The following ACOT13 variants were observed in gnomAD, a reference collection of about 807,000 sequenced individuals.
ACOT13 encodes the protein acyl-coenzyme A thioesterase 13.
A neutral mutation model predicts 11.8 loss-of-function variants in ACOT13; 10 were observed. The ratio of observed to expected loss-of-function variants is 0.85; its 90% CI spans 0.53 to 1.44. The LOEUF is 1.44. ACOT13 is among the 40% of genes most tolerant of loss of function. The pLI is 0.00. For synonymous variants in ACOT13, 53 were observed against 61.0 expected (o/e 0.87, Z 0.61); for missense variants, 172 against 174.1 (o/e 0.99, Z 0.07).
intron 1 of ACOT13, among the ~76,000 whole-genome samples, chr6:24,686,275 A>G (rs975107693): frequency 3.9e-5 from 6 of 152,334 alleles, no homozygotes; most frequent in Admixed American, 2.6e-4. Flanking sequence ...ACACTGATGT[A>G]TCCTTTTTTA....
At chr6:24,677,003 C>T (rs532859881) in intron 1 of ACOT13, among the ~76,000 whole-genome samples, 6 of 152,256 alleles carry the variant, frequency 3.9e-5, no homozygotes, top group African/African-American at 1.4e-4. Flanking sequence ...TTCTAGTGCC[C>T]GAGTGAGGGC....
At chr6:24,670,069 T>C (rs1778334564) in intron 1 of ACOT13, among the ~76,000 whole-genome samples, 1 of 152,224 alleles carries the variant, frequency 6.6e-6, no homozygotes, top group Non-Finnish European at 1.5e-5. Flanking sequence ...TAGGCAAGAC[T>C]AGTATCTAAC....
rs76918295 is a variant in ACOT13 at position 24,692,667 on chromosome 6, C to T, written c.82-5216C>T. On this transcript the variant is annotated intron_variant, in intron 1 of 2. Transcript: ENST00000230048. ...CTCCTGGGCTCAAGCAATCCTCCCA[C>T]CTCAGTCTCCCAAAATTAAAATGTT... Among the ~76,000 whole-genome samples the T allele has an allele frequency of 3.1e-3, 471 of 152,312 alleles. 2 individuals carry two copies. The highest frequency in any genetic ancestry group is 0.01 in the African/African-American group (429 of 41,562).
At chr6:24,700,922 TTTTA>T (rs899624630) in intron 2 of ACOT13, 1 of 152,152 alleles carries the variant, frequency 6.6e-6, no homozygotes, top group African/African-American at 2.4e-5. Flanking sequence ...CCAATTTTTT[TTTTA>T]ATTAGCTGGA....
intron 1 of ACOT13, among the ~76,000 whole-genome samples, chr6:24,676,569 T>C (rs900433945): frequency 6.6e-6 from 1 of 152,198 alleles, no homozygotes; most frequent in African/African-American, 2.4e-5. Flanking sequence ...TGCACATTGA[T>C]TTTGTATCCT....
chr6:24,704,379 TAA>T lies in ACOT13; in HGVS notation c.*2765_*2766del, dbSNP rs1478574089. On this transcript the variant is annotated 3_prime_UTR_variant, in exon 3 of 3. Transcript: ENST00000230048. ...GCCAAAATGCCTAACTTGGTGAACA[TAA>T]GTGTAATTCAATATGGTAAATTAAT... 6.6e-6 allele frequency: 1 copy of T among 152,200 alleles called. No homozygotes were observed. The highest frequency in any genetic ancestry group is 6.5e-5 in the Admixed American group (1 of 15,280). 9.4% of individuals were successfully genotyped at this position (152,200 alleles called of 1,614,324 possible).
chr6:24,668,197 C>A (rs897060730), intron 1 of ACOT13, among the ~76,000 whole-genome samples: 20 of 151,750 alleles, frequency 1.3e-4, no homozygotes, highest in African/African-American at 4.4e-4. Flanking sequence ...TGTGAGCCGC[C>A]ACGCCAGACC....
chr6:24,699,761 C>T (rs138522341), intron 2 of ACOT13, among the ~76,000 whole-genome samples: 2 of 152,192 alleles, frequency 1.3e-5, no homozygotes, highest in African/African-American at 4.8e-5. Flanking sequence ...CTAAAAGTCT[C>T]TATTAAGAGC....
chr6:24,696,194 G>C (rs959192100), intron 1 of ACOT13, among the ~76,000 whole-genome samples: 2 of 152,178 alleles, frequency 1.3e-5, no homozygotes, highest in African/African-American at 4.8e-5. Flanking sequence ...TATATCGCGT[G>C]GTTCTGTTTT....
intron 1 of ACOT13, among the ~76,000 whole-genome samples, chr6:24,684,514 A>G (rs1324757210): frequency 6.6e-6 from 1 of 152,190 alleles, no homozygotes; most frequent in Non-Finnish European, 1.5e-5. Flanking sequence ...CAGTGATGGT[A>G]ACTTGCCTTC....
At chr6:24,691,991 C>G (rs138005666) in intron 1 of ACOT13, among the ~76,000 whole-genome samples, 2 of 152,264 alleles carry the variant, frequency 1.3e-5, no homozygotes, top group Non-Finnish European at 2.9e-5. Flanking sequence ...ACTATTGAGA[C>G]TAAACATGGG....
intron 1 of ACOT13, among the ~76,000 whole-genome samples, chr6:24,669,783 T>C (rs1778328518): frequency 6.6e-6 from 1 of 152,136 alleles, no homozygotes; most frequent in Non-Finnish European, 1.5e-5. Flanking sequence ...CTGGAAAATA[T>C]ACATAGGCCA....
At chr6:24,669,819 T>C (rs186070034) in intron 1 of ACOT13, among the ~76,000 whole-genome samples, 1 of 152,282 alleles carries the variant, frequency 6.6e-6, no homozygotes, top group Non-Finnish European at 1.5e-5. Context: ...CATACATCAG[T>C]AGGCAGGTAT....
At chr6:24,684,876 A>G (rs1337990008) in intron 1 of ACOT13, among the ~76,000 whole-genome samples, 3 of 152,080 alleles carry the variant, frequency 2.0e-5, no homozygotes, top group Non-Finnish European at 4.4e-5. Context: ...TCCAGGCATG[A>G]TAGTGCGTAG....
At chr6:24,696,006 C>A (rs765411211) in intron 1 of ACOT13, among the ~76,000 whole-genome samples, 6 of 151,852 alleles carry the variant, frequency 4.0e-5, no homozygotes, top group Non-Finnish European at 8.8e-5. Context: ...TGCAGTGAGC[C>A]GAGATCAAGC....
chr6:24,676,654 C>T (rs1246657497), intron 1 of ACOT13, among the ~76,000 whole-genome samples: 2 of 152,152 alleles, frequency 1.3e-5, no homozygotes, highest in Non-Finnish European at 2.9e-5. Context: ...AATATACAAT[C>T]ATGTCATCTA....
chr6:24,704,171 A>C lies in ACOT13; in HGVS notation c.*2556A>C, dbSNP rs1778949131. 1 of 152,248 alleles carries C rather than the reference A, an allele frequency of 6.6e-6. No homozygotes were observed. The highest frequency in any genetic ancestry group is 2.1e-4 in the South Asian group (1 of 4,838). The allele number at this position is 152,248 out of a possible 1,614,324, so 9.4% of individuals were successfully genotyped here. A position where few individuals can be genotyped will look rare whatever the true frequency, so the allele number is the denominator to read the frequency against. On this transcript the variant is annotated 3_prime_UTR_variant, in exon 3 of 3. Transcript: ENST00000230048. ...ACTTGGAACATATGCCGAAGTACTA[A>C]GGAAGGGGTAAGGAAGCACAAAGTG...
chr6:24,695,805 G>A (rs999390743), intron 1 of ACOT13, among the ~76,000 whole-genome samples: 2 of 152,084 alleles, frequency 1.3e-5, no homozygotes, highest in African/African-American at 2.4e-5. Flanking sequence ...GGTGGCTCAC[G>A]ACTCTAATCC....
chr6:24,692,449 C>T (rs574457602), intron 1 of ACOT13, among the ~76,000 whole-genome samples: 2 of 152,312 alleles, frequency 1.3e-5, no homozygotes, highest in South Asian at 2.1e-4. Context: ...CAGGGTCTCA[C>T]TCTGTCAGCC....
Sources: allele counts gnomAD v4.1 joint callset (sites outside exome capture counted in the v4.1 genomes callset), GRCh38; gene constraint gnomAD v4.1.1; transcripts MANE v1.5; gene names NCBI Gene and HGNC (gene_info 2026-07-23, HGNC 2026-07-21).